KCTD15: variants seen among roughly 807,000 people sequenced by gnomAD.
KCTD15 encodes BTB/POZ domain-containing protein KCTD15.
KCTD15 carries 11 observed loss-of-function variants against 27.2 expected under a neutral mutation model. The ratio of observed to expected loss-of-function variants is 0.41; its 90% confidence interval spans 0.25 to 0.67. The LOEUF (loss-of-function observed/expected upper bound fraction) is 0.67. Among genes scored for constraint, KCTD15 ranks in the 30% least tolerant of loss-of-function variants. The pLI is 0.35. For missense variants in KCTD15, 350 were observed against 409.3 expected (o/e 0.86, Z 1.25); for synonymous variants, 163 against 176.0 (o/e 0.93, Z 0.58).
At position 33,813,527 on chromosome 19, in the gene KCTD15, C is replaced by T. The variant is rs983430270; in HGVS notation, c.*579C>T. 9.2e-5 allele frequency: 37 copies of T among 401,884 alleles called. No homozygotes were observed. Among genetic ancestry groups the T allele is most frequent in the Admixed American group, 3.7e-4 (13 of 35,324 alleles). 24.9% of individuals were successfully genotyped at this position (401,884 alleles called of 1,614,324 possible). A position where few individuals can be genotyped will look rare whatever the true frequency, so the allele number is the denominator to read the frequency against. On this transcript the variant is annotated 3_prime_UTR_variant, in exon 7 of 7. Coordinates refer to ENST00000683859, the MANE Select transcript of KCTD15 (RefSeq NM_001129994.2). ...CAGATGCCTGCAGGGCTGGGGCTCT[C>T]GGGACAGATGCAGGGATGTGTGCTG...
At chr19:33,796,379 G>C (rs1303709609), upstream of KCTD15, 1 of 149,916 alleles carries the variant, frequency 6.7e-6, no homozygotes, top group Admixed American at 6.6e-5. Flanking sequence ...GGAGAGGCGG[G>C]TGGGGATCGC....
At position 33,813,012 on chromosome 19, in the gene KCTD15, C is replaced by T; in HGVS notation, c.*64C>T. 1.4e-6 allele frequency: 2 copies of T among 1,475,302 alleles called. No individual in the cohort carries two copies. Among genetic ancestry groups the T allele is most frequent in the Non-Finnish European group, 1.8e-6 (2 of 1,093,548 alleles). 91.4% of individuals were successfully genotyped at this position (1,475,302 alleles called of 1,614,324 possible). ...TGGAAACAGTGCTGGGGAGTTCTGC[C>T]TGTGTATACTTGGCCGTGGGCATGA... On this transcript the variant is annotated 3_prime_UTR_variant, in exon 7 of 7. Transcript: ENST00000683859.
chr19:33,801,136 C>CAAG, intron 3 of KCTD15, 31 bp from the exon 4 acceptor site: 1 of 1,556,134 alleles, frequency 6.4e-7, no homozygotes, highest in Non-Finnish European at 8.7e-7. Context: ...CGCTTTGAAA[C>CAAG]TCTTGTGTTC....
At chr19:33,795,684 G>A (rs984595830), upstream of KCTD15, among the ~76,000 whole-genome samples, 1 of 152,134 alleles carries the variant, frequency 6.6e-6, no homozygotes, top group Non-Finnish European at 1.5e-5. Context: ...GGAAACAGGA[G>A]GAAGAGGAAG....
chr19:33,809,988 G>T lies in KCTD15; in HGVS notation c.388-1259G>T, dbSNP rs555482340. ...GAGGCAGGATGGGCCACTGACCCAT[G>T]ACAGGCCCAGAGGTCAGGGTTAGAA... On this transcript the variant is annotated intron_variant, in intron 5 of 6. Transcript: ENST00000683859. Among the ~76,000 whole-genome samples the T allele has an allele frequency of 2.0e-5, 3 of 152,376 alleles. No individual in the cohort carries two copies. In the East Asian group the frequency reaches 5.8e-4, roughly 29 times the overall value.
At chr19:33,803,671 C>T (rs543230943) in intron 4 of KCTD15, among the ~76,000 whole-genome samples, 4 of 152,188 alleles carry the variant, frequency 2.6e-5, no homozygotes, top group Admixed American at 2.6e-4. Context: ...AGTGGATTCC[C>T]TGGGCCGGCC....
upstream of KCTD15, chr19:33,796,077 C>G (rs1975310098): frequency 2.0e-5 from 3 of 151,838 alleles, no homozygotes; most frequent in African/African-American, 4.8e-5. Context: ...GGCTGCTCTC[C>G]TCTTTGTAAC....
intron 1 of KCTD15, among the ~76,000 whole-genome samples, chr19:33,797,755 C>G (rs899956967): frequency 5.3e-5 from 8 of 152,198 alleles, no homozygotes; most frequent in African/African-American, 1.9e-4. Context: ...AGTTTTCGCT[C>G]CGTATCTCAA....
chr19:33,796,307 C>T (rs1377404579), upstream of KCTD15: 5 of 149,700 alleles, frequency 3.3e-5, no homozygotes, highest in South Asian at 6.3e-4. Context: ...GGCGCTGGGG[C>T]CTGGGCGCAC....
At chr19:33,794,690 G>T (rs1233137864), upstream of KCTD15, among the ~76,000 whole-genome samples, 1 of 152,218 alleles carries the variant, frequency 6.6e-6, no homozygotes, top group Admixed American at 6.5e-5. Flanking sequence ...ACACAACCTC[G>T]TCCGATTGTG....
At chr19:33,795,344 G>A (rs143440807), upstream of KCTD15, among the ~76,000 whole-genome samples, 487 of 152,242 alleles carry the variant, frequency 3.2e-3, 2 homozygotes, top group Non-Finnish European at 5.8e-3. Context: ...CGCGCGCGAG[G>A]TCCTCTAGTA....
rs539836119 is a variant in KCTD15, at chr19:33,806,103, C to T, written c.243-760C>T. The stretch of plus-strand genomic sequence containing the variant: ...CATGTGTGTGCATGGTTTCTGTGTG[C>T]GTGTGTGTATGCCTGTGTTGTGGCA... On this transcript the variant is annotated intron_variant, in intron 4 of 6. Coordinates refer to ENST00000683859, the MANE Select transcript of KCTD15 (RefSeq NM_001129994.2). Among the ~76,000 whole-genome samples the T allele has an allele frequency of 3.9e-5, 6 of 152,298 alleles. No homozygotes were observed. In the South Asian group the frequency reaches 6.2e-4, roughly 16 times the overall value.
chr19:33,812,733 C>T lies in KCTD15; in HGVS notation c.694-57C>T, dbSNP rs148165669. The T allele has an allele frequency of 3.9e-4, 541 of 1,399,152 alleles. 2 individuals carry two copies. The highest frequency in any genetic ancestry group is 1.5e-3 in the South Asian group (89 of 59,988). 86.7% of individuals were successfully genotyped at this position (1,399,152 alleles called of 1,614,324 possible). On this transcript the variant is annotated intron_variant, in intron 6 of 6. Transcript: ENST00000683859. ...GCAGGCACCCACCTCCCTGCCAGGC[C>T]AAGCCAGGTGTCCTCTTGCAGCTTG...
rs1377073852 is a variant in KCTD15 at position 33,815,726 on chromosome 19, G to GT, written c.*2780dup. 25 of 148,110 alleles carry GT rather than the reference G, an allele frequency of 1.7e-4. No individual in the cohort carries two copies. The highest frequency in any genetic ancestry group is 6.2e-4 in the African/African-American group (25 of 40,090). 9.2% of individuals were successfully genotyped at this position (148,110 alleles called of 1,614,324 possible). On this transcript the variant is annotated 3_prime_UTR_variant, in exon 7 of 7. Transcript: ENST00000683859. ...TTTTTTTTAAAGCTACTGCTTGACTGTTCCTTAGAATAAATAAAGGATATT... is the reference window on the plus strand; with the variant it reads ...TTTTTTTTAAAGCTACTGCTTGACTGTTTCCTTAGAATAAATAAAGGATATT...
At chr19:33,809,168 T>G (rs993746987) in intron 5 of KCTD15, among the ~76,000 whole-genome samples, 5 of 151,818 alleles carry the variant, frequency 3.3e-5, no homozygotes, top group African/African-American at 4.8e-5. Context: ...TCCCAGCTAC[T>G]CGGGAGACTG....
intron 5 of KCTD15, among the ~76,000 whole-genome samples, chr19:33,807,342 C>G (rs1463962896): frequency 1.3e-5 from 2 of 152,156 alleles, no homozygotes; most frequent in African/African-American, 2.4e-5. Flanking sequence ...AATCCCAGCA[C>G]TTTGGGAGGC....
rs377462419 is a variant in KCTD15 at position 33,807,022 on chromosome 19, G to A, written c.387+15G>A. ...ATGACTTTAAGGTAAGTCCATGGCT[G>A]GTGGCCCCCCTGCACTGCCTGTGTG... is the stretch of plus-strand genomic sequence containing the variant. On this transcript the variant is annotated intron_variant, in intron 5 of 6. Coordinates refer to ENST00000683859, the MANE Select transcript of KCTD15 (RefSeq NM_001129994.2). The A allele has an allele frequency of 7.4e-6, 12 of 1,612,458 alleles. No homozygotes were observed. Among genetic ancestry groups the A allele is most frequent in the Non-Finnish European group, 9.3e-6 (11 of 1,179,274 alleles).
Position 33,800,529 on chromosome 19 carries a change from G to A in KCTD15, c.66+9G>A. Reference sequence around the variant, plus strand: ...GCAGCACCGGCACCGCGGTGAGCCTGCAGGGTGGGCTGGGTCCCTGCCGGG... The same window carrying A: ...GCAGCACCGGCACCGCGGTGAGCCTACAGGGTGGGCTGGGTCCCTGCCGGG... On this transcript the variant is annotated intron_variant, in intron 3 of 6. Coordinates refer to ENST00000683859, the MANE Select transcript of KCTD15 (RefSeq NM_001129994.2). 1.3e-6 allele frequency: 2 copies of A among 1,584,722 alleles called. No homozygotes were observed. Among genetic ancestry groups the A allele is most frequent in the Admixed American group, 1.8e-5 (1 of 55,618 alleles).
intron 6 of KCTD15, chr19:33,811,987 C>A: frequency 6.8e-7 from 1 of 1,479,636 alleles, no homozygotes; most frequent in Non-Finnish European, 8.9e-7. Flanking sequence ...CCAAGAGAAT[C>A]CCTGGACCGG....
Sources: allele counts gnomAD v4.1 joint callset (sites outside exome capture counted in the v4.1 genomes callset), GRCh38; gene constraint gnomAD v4.1.1; transcripts MANE v1.5; gene names NCBI Gene and HGNC (gene_info 2026-07-23, HGNC 2026-07-21).